Variants in GFI1 observed in about 807,000 individuals in gnomAD.
GFI1 encodes zinc finger protein Gfi-1.
GFI1 carries 15 observed loss-of-function variants against 39.2 expected under a neutral mutation model. The observed-to-expected ratio is 0.38, with a 90% CI of 0.26 to 0.59. The LOEUF is 0.59. Among genes scored for constraint, GFI1 ranks in the 20% least tolerant of loss-of-function variants. The pLI, the probability that GFI1 is intolerant of heterozygous loss-of-function variation, is 0.62. For missense variants in GFI1, 475 were observed against 574.0 expected (o/e 0.83, Z 1.76); for synonymous variants, 239 against 254.3 (o/e 0.94, Z 0.57).
chr1:92,483,643 A>T (rs945175494), intron 1 of GFI1, 57 bp from the exon 2 acceptor site: 1 of 682,436 alleles, frequency 1.5e-6, no homozygotes, highest in Non-Finnish European at 2.7e-6. Flanking sequence ...GGTGCGGCGG[A>T]CTGGGCACCC....
Position 92,480,320 on chromosome 1 carries a change from C to G in GFI1, c.924+28G>C. 6.5e-7 allele frequency: 1 copy of G among 1,542,928 alleles called. No individual in the cohort carries two copies. Among genetic ancestry groups the G allele is most frequent in the Non-Finnish European group, 8.7e-7 (1 of 1,145,412 alleles). The stretch of plus-strand genomic sequence containing the variant: ...GATGCAGAAGATCCCCGAGCAGGGC[C>G]GCGCGCGGCGGTGCGCCCCGCGCTT... On this transcript the variant is annotated intron_variant, in intron 5 of 6. Transcript: ENST00000294702. This position sits in a 1 kb window ranked among gnomAD's most constrained non-coding sequence, Gnocchi z 5.6.
chr1:92,477,052 T>C (rs1166766839), intron 6 of GFI1, among the ~76,000 whole-genome samples: 1 of 152,186 alleles, frequency 6.6e-6, no homozygotes, highest in Admixed American at 6.5e-5. Context: ...AGCATGGCAT[T>C]ATAGTCAGGG....
intron 1 of GFI1, among the ~76,000 whole-genome samples, chr1:92,485,662 T>G (rs2101588541): frequency 6.6e-6 from 1 of 151,924 alleles, no homozygotes; most frequent in East Asian, 1.9e-4. Context: ...CGCTCAGGCC[T>G]CTCCTCACCG....
rs761047716 is a variant in GFI1, at chr1:92,476,101, G to T, written c.1197C>A (p.Asp399Glu). 1 of 1,614,142 alleles carries T rather than the reference G, an allele frequency of 6.2e-7. No homozygotes were observed. Among genetic ancestry groups the T allele is most frequent in the East Asian group, 2.2e-5 (1 of 44,878 alleles). Residue 399 changes from aspartate to glutamate, a missense_variant, in exon 7 of 7, where the codon GAC becomes GAA. By Grantham distance (45) the Asp-to-Glu change is conservative. Around this residue, in one of 4 missense-constraint regions of GFI1, gnomAD observed 112 missense variants for 202.8 expected, o/e 0.55. Transcript: ENST00000294702. ...TCCTCTGGAAACCCTTCCCACAGAG[G>T]TCGCAGCCGAAGGGCTTGAAGCCTG... The part of the protein sequence containing the change: ...KHTGFKPFGC[D>E]LCGKGFQRKV...
Position 92,480,804 on chromosome 1 carries a change from G to A in GFI1, c.583C>T (p.Pro195Ser). 3 of 1,585,704 alleles carry A rather than the reference G, an allele frequency of 1.9e-6. No individual in the cohort carries two copies. The highest frequency in any genetic ancestry group is 2.6e-6 in the Non-Finnish European group (3 of 1,169,160). The change falls in exon 4 of 7, where the codon CCT becomes TCT. Residue 195 changes from proline to serine, a missense_variant. By Grantham distance (74) the Pro-to-Ser change is moderately conservative. Around this residue, in one of 4 missense-constraint regions of GFI1, gnomAD observed 275 missense variants for 275.8 expected, o/e 1.00. Transcript: ENST00000294702. This position sits in a 1 kb window ranked among gnomAD's most constrained non-coding sequence, Gnocchi z 5.6. ...AAGTCGCCGTAGAGCCCTAGGCCAG[G>A]GCCAGCGGTGGCACCGGCCCCTGCG... is the stretch of plus-strand genomic sequence containing the variant. Reference protein sequence around the residue: ...CSAGAGATAGPGLGLYGDFGS... With the variant: ...CSAGAGATAGSGLGLYGDFGS...
At chr1:92,483,689 G>C in intron 1 of GFI1, 103 bp from the exon 2 acceptor site, 1 of 628,054 alleles carries the variant, frequency 1.6e-6, no homozygotes, top group Non-Finnish European at 2.9e-6. Context: ...GAGGCGCGCA[G>C]AGGGCCCACG....
rs199514537 is a variant in GFI1 at position 92,482,818 on chromosome 1, C to T, written c.298+46G>A. 1.3e-6 allele frequency: 2 copies of T among 1,497,758 alleles called. No homozygotes were observed. Among genetic ancestry groups the T allele is most frequent in the East Asian group, 2.3e-5 (1 of 44,336 alleles). The allele number at this position is 1,497,758 out of a possible 1,614,324, so 92.8% of individuals were successfully genotyped here. On this transcript the variant is annotated intron_variant, in intron 3 of 6. Transcript: ENST00000294702. This position sits in a 1 kb window ranked among gnomAD's most constrained non-coding sequence, Gnocchi z 4.4. ...CGCGCCAATTCCCCCCCAGCACTGC[C>T]GGGTCCCTGCAGCTCCCGCCCAAGA... is the stretch of plus-strand genomic sequence containing the variant.
chr1:92,477,976 C>T (rs1321070397), intron 6 of GFI1, among the ~76,000 whole-genome samples: 1 of 152,160 alleles, frequency 6.6e-6, no homozygotes, highest in East Asian at 1.9e-4. Flanking sequence ...CAGTGTGACC[C>T]TGGGCAGATT....
At chr1:92,476,936 C>G (rs969198442) in intron 6 of GFI1, among the ~76,000 whole-genome samples, 3 of 151,990 alleles carry the variant, frequency 2.0e-5, no homozygotes, top group Non-Finnish European at 4.4e-5. Flanking sequence ...CTTTATATAC[C>G]AGCAATTCTT....
chr1:92,475,791 G>A lies in GFI1; in HGVS notation c.*238C>T, dbSNP rs1296333269. On this transcript the variant is annotated 3_prime_UTR_variant, in exon 7 of 7. Coordinates refer to ENST00000294702, the MANE Select transcript of GFI1 (RefSeq NM_005263.5). ...GGTGTAGAGGAGCCTATTTGTGTCC[G>A]AAGCCTAGAGAGTCACTTGGTTCTC... 3.4e-5 allele frequency: 19 copies of A among 558,542 alleles called. No individual in the cohort carries two copies. Among genetic ancestry groups the A allele is most frequent in the Non-Finnish European group, 5.2e-5 (16 of 310,034 alleles). 34.6% of individuals were successfully genotyped at this position (558,542 alleles called of 1,614,324 possible). A position where few individuals can be genotyped will look rare whatever the true frequency, so the allele number is the denominator to read the frequency against.
chr1:92,475,073 G>T lies in GFI1; in HGVS notation c.*956C>A, dbSNP rs1172854770. Reference sequence around the variant, plus strand: ...AAAATCCAAAAGGGTCAAAAGGGAAGGTTTACAATTCTGTGCTGTCTTCTC... The same window carrying T: ...AAAATCCAAAAGGGTCAAAAGGGAATGTTTACAATTCTGTGCTGTCTTCTC... On this transcript the variant is annotated 3_prime_UTR_variant, in exon 7 of 7. Transcript: ENST00000294702. The T allele has an allele frequency of 6.6e-6, 1 of 152,192 alleles. No individual in the cohort carries two copies. Among genetic ancestry groups the T allele is most frequent in the Non-Finnish European group, 1.5e-5 (1 of 68,046 alleles). The allele number at this position is 152,192 out of a possible 1,614,324, so 9.4% of individuals were successfully genotyped here.
At chr1:92,485,584 T>C (rs1229999796) in intron 1 of GFI1, among the ~76,000 whole-genome samples, 7 of 152,004 alleles carry the variant, frequency 4.6e-5, no homozygotes, top group Non-Finnish European at 7.4e-5. Flanking sequence ...CCCCGGGGCC[T>C]GGGCCGAGCG....
rs953999827 is a variant in GFI1, at chr1:92,484,567, G to C, written c.-99-981C>G. The C allele has an allele frequency of 2.0e-5, 3 of 152,310 alleles. No homozygotes were observed. The highest frequency in any genetic ancestry group is 7.2e-5 in the African/African-American group (3 of 41,474). The allele number at this position is 152,310 out of a possible 1,614,324, so 9.4% of individuals were successfully genotyped here. A position where few individuals can be genotyped will look rare whatever the true frequency, so the allele number is the denominator to read the frequency against. On this transcript the variant is annotated intron_variant, in intron 1 of 6. Coordinates refer to ENST00000294702, the MANE Select transcript of GFI1 (RefSeq NM_005263.5). This position sits in a 1 kb window ranked among gnomAD's most constrained non-coding sequence, Gnocchi z 4.1. ...GACAAAAAAGACAGGACGCCAGAGC[G>C]CGCAGGCTGCATTAGCAGAGAGCGG...
At position 92,475,707 on chromosome 1, in the gene GFI1, G is replaced by A. The variant is rs1355286894; in HGVS notation, c.*322C>T. ...GTCTGTAGATTAGGGCTGGAAATGG[G>A]AAGGACTGTGGGGTCTAAGATTTAT... On this transcript the variant is annotated 3_prime_UTR_variant, in exon 7 of 7. Transcript: ENST00000294702. 2.6e-6 allele frequency: 1 copy of A among 388,826 alleles called. No homozygotes were observed. Among genetic ancestry groups the A allele is most frequent in the Non-Finnish European group, 4.9e-6 (1 of 205,672 alleles). 24.1% of individuals were successfully genotyped at this position (388,826 alleles called of 1,614,324 possible). A position where few individuals can be genotyped will look rare whatever the true frequency, so the allele number is the denominator to read the frequency against.
At chr1:92,486,449 G>A (rs1306953943) in intron 1 of GFI1, among the ~76,000 whole-genome samples, 19 of 152,156 alleles carry the variant, frequency 1.2e-4, no homozygotes. Context: ...TGAGGACACA[G>A]ATTGACTGGC....
Position 92,474,227 on chromosome 1 carries a change from T to C in GFI1, c.*1802A>G, listed in dbSNP as rs1181842296. Among the ~76,000 whole-genome samples the C allele has an allele frequency of 6.6e-6, 1 of 152,234 alleles. No homozygotes were observed. Among genetic ancestry groups the C allele is most frequent in the Non-Finnish European group, 1.5e-5 (1 of 68,042 alleles). On this transcript the variant is annotated 3_prime_UTR_variant, in exon 7 of 7. Coordinates refer to ENST00000294702, the MANE Select transcript of GFI1 (RefSeq NM_005263.5). ...GGCAGCTAACCAATCTCACACTTTT[T>C]TTCCTTTCCAGTCTCCACAGAATCA... is the stretch of plus-strand genomic sequence containing the variant.
At position 92,480,906 on chromosome 1, in the gene GFI1, G is replaced by A. The variant is rs765422321; in HGVS notation, c.481C>T (p.Pro161Ser). The change falls in exon 4 of 7, where the codon CCT (proline) becomes TCT (serine). Residue 161 changes from proline (P) to serine (S), a missense_variant. Pro to Ser is a moderately conservative substitution (Grantham distance 74). Around this residue, in one of 4 missense-constraint regions of GFI1, gnomAD observed 275 missense variants for 275.8 expected, o/e 1.00. Transcript: ENST00000294702. The surrounding 1 kb of genome is among the most constrained non-coding windows in gnomAD (Gnocchi z 5.6). The part of the protein sequence containing the change: ...LGLFCEPAPE[P>S]GHPAALYGPK... ...CCGTACAGCGCGGCCGGGTGGCCAGGCTCCGGGGCGGGTTCGCAGAAGAGG... is the reference window on the plus strand; with the variant it reads ...CCGTACAGCGCGGCCGGGTGGCCAGACTCCGGGGCGGGTTCGCAGAAGAGG... 109 of 1,547,040 alleles carry A rather than the reference G, an allele frequency of 7.0e-5. 1 individual carries two copies. In the South Asian group the frequency reaches 1.1e-3, roughly 16 times the overall value.
Position 92,482,811 on chromosome 1 carries a change from G to T in GFI1, c.298+53C>A. The stretch of plus-strand genomic sequence containing the variant: ...CCAAGGTCGCGCCAATTCCCCCCCA[G>T]CACTGCCGGGTCCCTGCAGCTCCCG... On this transcript the variant is annotated intron_variant, in intron 3 of 6. Transcript: ENST00000294702. The surrounding 1 kb of genome is among the most constrained non-coding windows in gnomAD (Gnocchi z 4.4). 1 of 1,418,418 alleles carries T rather than the reference G, an allele frequency of 7.1e-7. No individual in the cohort carries two copies. The highest frequency in any genetic ancestry group is 1.0e-6 in the Non-Finnish European group (1 of 1,002,832). 87.9% of individuals were successfully genotyped at this position (1,418,418 alleles called of 1,614,324 possible). A position where few individuals can be genotyped will look rare whatever the true frequency, so the allele number is the denominator to read the frequency against.
chr1:92,482,960 C>T lies in GFI1; in HGVS notation c.202G>A (p.Ala68Thr). 6.2e-7 allele frequency: 1 copy of T among 1,613,748 alleles called. No individual in the cohort carries two copies. The highest frequency in any genetic ancestry group is 8.5e-7 in the Non-Finnish European group (1 of 1,179,860). ...ESQLTEAPDR[A>T]SASPDSCEGS... is the part of the protein sequence containing the mutation. The stretch of plus-strand genomic sequence containing the variant: ...TCGCAGCTGTCTGGGGATGCGGAGG[C>T]TCTGTCTGGGGCTTCGGTCAGCTGC... The change falls in exon 3 of 7, where the codon GCC (alanine) becomes ACC (threonine). Residue 68 changes from alanine (A) to threonine (T), a missense_variant. Around this residue, in one of 4 missense-constraint regions of GFI1, gnomAD observed 275 missense variants for 275.8 expected, o/e 1.00. Transcript: ENST00000294702. This position sits in a 1 kb window ranked among gnomAD's most constrained non-coding sequence, Gnocchi z 4.4.
Sources: allele counts gnomAD v4.1 joint callset (sites outside exome capture counted in the v4.1 genomes callset), GRCh38; gene constraint gnomAD v4.1.1; regional missense constraint gnomAD v4.1.1; non-coding constraint Gnocchi (gnomAD v3.1); transcripts MANE v1.5; gene names NCBI Gene and HGNC (gene_info 2026-07-23, HGNC 2026-07-21).